The following CSMD3 variants were observed in gnomAD, a reference collection of about 807,000 sequenced individuals.
The protein encoded by CSMD3 is CUB and Sushi multiple domains 3.
Under a neutral mutation model 435.2 loss-of-function variants are expected in CSMD3, and 177 were observed. The observed-to-expected ratio is 0.41, with a 90% CI of 0.36 to 0.46. The LOEUF is 0.46. CSMD3 is among the 20% of genes least tolerant of loss of function. CSMD3 has a pLI of 0.34. For synonymous variants in CSMD3, 1,656 were observed against 1,520.5 expected (o/e 1.09, Z -2.07); for missense variants, 4,265 against 4,504.6 (o/e 0.95, Z 1.52).
intron 5 of CSMD3, among the ~76,000 whole-genome samples, chr8:113,089,037 C>T (rs777214663): frequency 6.6e-6 from 1 of 151,674 alleles, no homozygotes; most frequent in Non-Finnish European, 1.5e-5. Flanking sequence ...TTTTCGTGTT[C>T]TTTCTTTTTT....
chr8:112,424,074 T>C (rs774300512), intron 32 of CSMD3, among the ~76,000 whole-genome samples: 8 of 152,210 alleles, frequency 5.3e-5, no homozygotes, highest in Non-Finnish European at 1.2e-4. Flanking sequence ...AAAAATGTTT[T>C]GGATTCTATT....
At chr8:112,583,718 C>G (rs554091833) in intron 23 of CSMD3, among the ~76,000 whole-genome samples, 6 of 151,770 alleles carry the variant, frequency 4.0e-5, no homozygotes, top group Admixed American at 2.6e-4. Context: ...GTTCTATCAC[C>G]ATTATAAAAA....
intron 13 of CSMD3, among the ~76,000 whole-genome samples, chr8:112,757,726 A>G (rs2077733521): frequency 6.6e-6 from 1 of 152,036 alleles, no homozygotes; most frequent in African/African-American, 2.4e-5. Flanking sequence ...TAAATAAGAG[A>G]TTTTCAAGAT....
At chr8:112,930,724 A>G (rs1217566674) in intron 9 of CSMD3, among the ~76,000 whole-genome samples, 1 of 152,098 alleles carries the variant, frequency 6.6e-6, no homozygotes, top group African/African-American at 2.4e-5. Context: ...GAAATTTGCA[A>G]GAGTAACCCA....
At chr8:112,769,389 C>T (rs1697001187) in intron 13 of CSMD3, among the ~76,000 whole-genome samples, 2 of 151,916 alleles carry the variant, frequency 1.3e-5, no homozygotes, top group South Asian at 4.1e-4. Flanking sequence ...CCGTCCCTTC[C>T]AGACACTGTT....
intron 40 of CSMD3, among the ~76,000 whole-genome samples, chr8:112,346,840 G>A (rs1282836610): frequency 1.3e-5 from 2 of 151,500 alleles, no homozygotes; most frequent in Non-Finnish European, 2.9e-5. Flanking sequence ...CACCACGCCC[G>A]GCTAATTTTT....
intron 69 of CSMD3, among the ~76,000 whole-genome samples, chr8:112,231,103 CAA>C (rs1401396076): frequency 1.3e-5 from 2 of 152,192 alleles, no homozygotes; most frequent in Non-Finnish European, 2.9e-5. Flanking sequence ...GCCCATTCCT[CAA>C]AGTTATTTTC....
intron 13 of CSMD3, among the ~76,000 whole-genome samples, chr8:112,758,309 G>A (rs1052232919): frequency 3.3e-5 from 5 of 150,192 alleles, no homozygotes; most frequent in African/African-American, 9.8e-5. Flanking sequence ...CAGGGATCGC[G>A]CCACTGTACT....
chr8:112,571,151 G>A (rs933125022), intron 24 of CSMD3, among the ~76,000 whole-genome samples: 1 of 152,072 alleles, frequency 6.6e-6, no homozygotes, highest in African/African-American at 2.4e-5. Context: ...GGGATTACAG[G>A]CATGTGCCAC....
intron 5 of CSMD3, among the ~76,000 whole-genome samples, chr8:113,049,402 G>GA (rs60859878): frequency 0.035 from 4,756 of 137,772 alleles, 108 homozygotes; most frequent in African/African-American, 0.067. Context: ...GTTCTAGTAG[G>GA]AAAAAAAAAA....
chr8:113,285,480 C>T (rs1008594009), intron 2 of CSMD3, among the ~76,000 whole-genome samples: 7 of 152,014 alleles, frequency 4.6e-5, no homozygotes, highest in Admixed American at 1.3e-4. Flanking sequence ...AGGATGGTCT[C>T]GATCTCCTGA....
chr8:112,965,359 C>T (rs1251104714), intron 7 of CSMD3, among the ~76,000 whole-genome samples: 2 of 151,762 alleles, frequency 1.3e-5, no homozygotes, highest in Non-Finnish European at 2.9e-5. Flanking sequence ...ATATTATTAT[C>T]TTTCCTTATT....
chr8:112,858,391 C>T (rs182288563), intron 11 of CSMD3, among the ~76,000 whole-genome samples: 2 of 151,790 alleles, frequency 1.3e-5, no homozygotes, highest in African/African-American at 4.8e-5. Flanking sequence ...ATTTCATGAG[C>T]TCGACCACCA....
chr8:113,173,781 G>A lies in CSMD3; in HGVS notation c.650C>T (p.Thr217Ile), dbSNP rs2131890381. 3 of 1,613,784 alleles carry A rather than the reference G, an allele frequency of 1.9e-6. No individual in the cohort carries two copies. Among genetic ancestry groups the A allele is most frequent in the South Asian group, 2.2e-5 (2 of 91,084 alleles). The change falls in exon 4 of 71, where the codon ACC becomes ATC. Residue 217 changes from threonine (T) to isoleucine (I), a missense_variant. Coordinates refer to ENST00000297405, the MANE Select transcript of CSMD3 (RefSeq NM_198123.2). ...GYILDGHPQL[T>I]CIANSVNTAS... ...TGTATTAACTGAATTGGCTATGCAGGTGAGCTGAGGGTGGCCATCAAGGAT... is the reference window on the plus strand; with the variant it reads ...TGTATTAACTGAATTGGCTATGCAGATGAGCTGAGGGTGGCCATCAAGGAT...
chr8:112,445,043 G>A (rs1280797800), intron 32 of CSMD3, among the ~76,000 whole-genome samples: 1 of 152,104 alleles, frequency 6.6e-6, no homozygotes, highest in Non-Finnish European at 1.5e-5. Flanking sequence ...AGAAGTTCAA[G>A]ACCAGTCTGG....
chr8:112,952,334 T>A lies in CSMD3; in HGVS notation c.1420+2350A>T, dbSNP rs150293441. Reference sequence around the variant, plus strand: ...AATTTGATGTCCTCCATGCTTATACTGACTTTGGGCCGTGCCCATCATAGA... The same window carrying A: ...AATTTGATGTCCTCCATGCTTATACAGACTTTGGGCCGTGCCCATCATAGA... On this transcript the variant is annotated intron_variant, in intron 8 of 70. Transcript: ENST00000297405. 6.6e-3 allele frequency among the ~76,000 whole-genome samples: 1,002 copies of A among 151,824 alleles called. 12 individuals are homozygous for A. The highest frequency in any genetic ancestry group is 0.023 in the African/African-American group (962 of 41,542).
intron 13 of CSMD3, among the ~76,000 whole-genome samples, chr8:112,734,977 G>A (rs538388405): frequency 2.6e-5 from 4 of 152,056 alleles, no homozygotes; most frequent in South Asian, 4.1e-4. Context: ...AGACGTAGTA[G>A]GAAGAGCTCA....
chr8:112,525,495 C>T (rs1586597646), intron 27 of CSMD3, among the ~76,000 whole-genome samples: 1 of 149,722 alleles, frequency 6.7e-6, no homozygotes, highest in East Asian at 2.0e-4. Flanking sequence ...CCGAGGCGGG[C>T]GGATCACGAG....
chr8:113,370,131 G>GTATA (rs1175092117), intron 1 of CSMD3, among the ~76,000 whole-genome samples: 2 of 151,310 alleles, frequency 1.3e-5, no homozygotes, highest in Non-Finnish European at 3.0e-5. Context: ...ATTACACAAT[G>GTATA]TATATATACT....
Sources: gnomAD v4.1 joint callset for allele counts (sites outside exome capture counted in the v4.1 genomes callset) on GRCh38, gnomAD v4.1.1 for gene constraint, MANE v1.5 for transcripts, NCBI Gene and HGNC (gene_info 2026-07-23, HGNC 2026-07-21) for gene names.